Variants in PMEL observed in about 807,000 individuals in gnomAD.
PMEL encodes the protein melanocyte protein PMEL.
A neutral mutation model predicts 64.9 loss-of-function variants in PMEL; 53 were observed. The ratio of observed to expected loss-of-function variants is 0.82; its 90% CI spans 0.66 to 1.03. The LOEUF is 1.03. Among genes scored for constraint, PMEL ranks in the 50% least tolerant of loss-of-function variants. PMEL has a pLI of 0.00. For missense variants in PMEL, 716 were observed against 814.9 expected (o/e 0.88, Z 1.48); for synonymous variants, 299 against 316.2 (o/e 0.95, Z 0.58).
At chr12:55,955,006 G>T (rs1162495381) in intron 10 of PMEL, among the ~76,000 whole-genome samples, 1 of 152,172 alleles carries the variant, frequency 6.6e-6, no homozygotes, top group Non-Finnish European at 1.5e-5. Context: ...TCAGAGCCAG[G>T]TGCTTTACTC....
chr12:55,958,607 C>G lies in PMEL; in HGVS notation c.335G>C (p.Gly112Ala), dbSNP rs746321879. The G allele has an allele frequency of 6.2e-7, 1 of 1,613,190 alleles. No homozygotes were observed. Among genetic ancestry groups the G allele is most frequent in the Non-Finnish European group, 8.5e-7 (1 of 1,179,688 alleles). ...TGGCTGTCCTCCCCACACCTGGCTC[C>G]CTGAAAGATAAATACAGAGTCACTC... The part of the protein sequence containing the change: ...VIWVNNTIIN[G>A]SQVWGGQPVY... Residue 112 changes from glycine to alanine, a missense_variant and splice_region_variant, in exon 4 of 11, where the codon GGG becomes GCG. Coordinates refer to ENST00000548747, the MANE Select transcript of PMEL (RefSeq NM_001384361.1).
chr12:55,955,421 T>C, intron 9 of PMEL, 43 bp downstream of exon 9: 1 of 1,612,630 alleles, frequency 6.2e-7, no homozygotes, highest in Non-Finnish European at 8.5e-7. Context: ...AGCTGCCCTC[T>C]ATCCACTCCC....
At chr12:55,964,723 T>C (rs1243187735) in intron 1 of PMEL, among the ~76,000 whole-genome samples, 1 of 151,934 alleles carries the variant, frequency 6.6e-6, no homozygotes, top group Non-Finnish European at 1.5e-5. Context: ...CCTCCCAGGT[T>C]CAAGCGATTC....
At chr12:55,956,901 A>G in intron 6 of PMEL, 48 bp downstream of exon 6, 1 of 1,582,806 alleles carries the variant, frequency 6.3e-7, no homozygotes, top group South Asian at 1.2e-5. Context: ...TACAGAGTAG[A>G]GTAGGGTACC....
chr12:55,960,534 T>C (rs1889060176), intron 3 of PMEL, among the ~76,000 whole-genome samples: 2 of 144,188 alleles, frequency 1.4e-5, no homozygotes, highest in South Asian at 4.4e-4. Flanking sequence ...CTTTTTGCTT[T>C]CTGTTTTTTT....
rs1888988857 is a variant in PMEL, at chr12:55,958,604, C to T, written c.338G>A (p.Ser113Asn). 1 of 1,613,268 alleles carries T rather than the reference C, an allele frequency of 6.2e-7. No homozygotes were observed. The highest frequency in any genetic ancestry group is 1.3e-5 in the African/African-American group (1 of 74,864). ...IWVNNTIING[S>N]QVWGGQPVYP... ...CACTGGCTGTCCTCCCCACACCTGG[C>T]TCCCTGAAAGATAAATACAGAGTCA... is the stretch of plus-strand genomic sequence containing the variant. Residue 113 changes from serine to asparagine, a missense_variant, in exon 4 of 11, where the codon AGC becomes AAC. Physicochemically the swap from Ser to Asn is conservative, Grantham distance 46. Transcript: ENST00000548747.
chr12:55,961,196 C>T (rs1889089278), intron 3 of PMEL, 121 bp downstream of exon 3: 1 of 908,038 alleles, frequency 1.1e-6, no homozygotes, highest in Non-Finnish European at 1.7e-6. Context: ...CAGAGCGAGA[C>T]TCCGTCTCAA....
chr12:55,960,400 G>A (rs1266867308), intron 3 of PMEL, among the ~76,000 whole-genome samples: 1 of 151,666 alleles, frequency 6.6e-6, no homozygotes, highest in Non-Finnish European at 1.5e-5. Context: ...TTTTGAGACA[G>A]GGTCTCACTC....
At chr12:55,956,554 G>T in intron 6 of PMEL, 1 of 314,210 alleles carries the variant, frequency 3.2e-6, no homozygotes, top group African/African-American at 2.1e-5. Context: ...CTCCCTTTTT[G>T]CTTTGGGATG....
upstream of PMEL, chr12:55,966,303 A>G (rs1889297939): frequency 4.4e-6 from 2 of 458,458 alleles, no homozygotes; most frequent in South Asian, 5.6e-5. Context: ...CAGACACAAC[A>G]GTTTATCATG....
chr12:55,966,052 G>A (rs756373137), upstream of PMEL: 4 of 1,614,108 alleles, frequency 2.5e-6, no homozygotes, highest in South Asian at 2.2e-5. Flanking sequence ...TGGGGGGACT[G>A]GGATAGGCCC....
chr12:55,954,320 A>T lies in PMEL; in HGVS notation c.1880T>A (p.Val627Glu). The T allele has an allele frequency of 1.2e-6, 2 of 1,614,170 alleles. No homozygotes were observed. Among genetic ancestry groups the T allele is most frequent in the Non-Finnish European group, 8.5e-7 (1 of 1,180,004 alleles). Residue 627 changes from valine to glutamate, a missense_variant, in exon 11 of 11, where the codon GTA (valine) becomes GAA (glutamate). Val to Glu is a moderately radical substitution (Grantham distance 121). Coordinates refer to ENST00000548747, the MANE Select transcript of PMEL (RefSeq NM_001384361.1). ...ACTGCTGCTATGTGGCAACTGGGGTACGGAGAAGTCTTGCTTCATAAGTCT... is the reference window on the plus strand; with the variant it reads ...ACTGCTGCTATGTGGCAACTGGGGTTCGGAGAAGTCTTGCTTCATAAGTCT... Reference protein sequence around the residue: ...RRRLMKQDFSVPQLPHSSSHW... With the variant: ...RRRLMKQDFSEPQLPHSSSHW...
Position 55,955,877 on chromosome 12 carries a change from A to G in PMEL, c.1472-14T>C. 1 of 1,611,842 alleles carries G rather than the reference A, an allele frequency of 6.2e-7. No individual in the cohort carries two copies. Among genetic ancestry groups the G allele is most frequent in the South Asian group, 1.1e-5 (1 of 91,030 alleles). On this transcript the variant is annotated splice_polypyrimidine_tract_variant and intron_variant, in intron 7 of 10. Transcript: ENST00000548747. The stretch of plus-strand genomic sequence containing the variant: ...TTTCAATACCCTCTGCAGAGTTGCA[A>G]GCTTATCAAATTAGGATTCCTCTAC...
rs1565773206 is a variant in PMEL, at chr12:55,955,866, G to A, written c.1472-3C>T. ...GATCTCGGCACTTTCAATACCCTCTGCAGAGTTGCAAGCTTATCAAATTAG... is the reference window on the plus strand; with the variant it reads ...GATCTCGGCACTTTCAATACCCTCTACAGAGTTGCAAGCTTATCAAATTAG... On this transcript the variant is annotated splice_region_variant and splice_polypyrimidine_tract_variant and intron_variant, in intron 7 of 10. Transcript: ENST00000548747. 1 of 1,613,060 alleles carries A rather than the reference G, an allele frequency of 6.2e-7. No homozygotes were observed. The highest frequency in any genetic ancestry group is 8.5e-7 in the Non-Finnish European group (1 of 1,179,048).
At position 55,955,064 on chromosome 12, in the gene PMEL, C is replaced by T. The variant is rs542129316; in HGVS notation, c.1850+210G>A. ...GCCCCACAGGGCAAGTATTAGTTTA[C>T]CTACTTTTCAGAGGCTTAGACAGGT... On this transcript the variant is annotated intron_variant, in intron 10 of 10. Transcript: ENST00000548747. 9.2e-5 allele frequency among the ~76,000 whole-genome samples: 14 copies of T among 152,322 alleles called. 1 individual carries two copies. Among genetic ancestry groups the T allele is most frequent in the African/African-American group, 3.1e-4 (13 of 41,576 alleles).
At chr12:55,959,689 C>A (rs1384400865) in intron 3 of PMEL, among the ~76,000 whole-genome samples, 3 of 152,084 alleles carry the variant, frequency 2.0e-5, no homozygotes, top group African/African-American at 7.2e-5. Flanking sequence ...CCTATAATCC[C>A]AGCTACCCAG....
At position 55,966,042 on chromosome 12, in the gene PMEL, T is replaced by C. The variant is rs1565779219; in HGVS notation, c.-31A>G. 5 of 1,614,074 alleles carry C rather than the reference T, an allele frequency of 3.1e-6. No individual in the cohort carries two copies. In the Admixed American group the frequency reaches 8.3e-5, roughly 27 times the overall value. On this transcript the variant is annotated 5_prime_UTR_variant, in exon 1 of 11. Coordinates refer to ENST00000548747, the MANE Select transcript of PMEL (RefSeq NM_001384361.1). ...TCTTCCCTCCAGCAACCAAAGGCACTGGGGGGACTGGGATAGGCCCCTATA... is the reference window on the plus strand; with the variant it reads ...TCTTCCCTCCAGCAACCAAAGGCACCGGGGGGACTGGGATAGGCCCCTATA...
intron 10 of PMEL, 53 bp from the exon 11 acceptor site, chr12:55,954,402 C>T: frequency 6.3e-7 from 1 of 1,599,796 alleles, no homozygotes; most frequent in Non-Finnish European, 8.6e-7. Context: ...GGTAGCTTGT[C>T]TGTGCTTCTC....
intron 6 of PMEL, chr12:55,956,632 G>A: frequency 3.0e-6 from 1 of 336,776 alleles, no homozygotes. Context: ...GTGCATTTAT[G>A]CTTGAACAGA....
Sources: allele counts gnomAD v4.1 joint callset (sites outside exome capture counted in the v4.1 genomes callset), GRCh38; gene constraint gnomAD v4.1.1; transcripts MANE v1.5; gene names NCBI Gene and HGNC (gene_info 2026-07-23, HGNC 2026-07-21).